The following FBXO31 variants were observed in gnomAD, a reference collection of about 807,000 sequenced individuals.
The protein encoded by FBXO31 is F-box only protein 31.
In FBXO31, 24 loss-of-function variants were observed where a neutral mutation model predicts 54.4. The observed-to-expected ratio is 0.44, with a 90% CI of 0.32 to 0.62. The LOEUF is 0.62. Among genes scored for constraint, FBXO31 ranks in the 20% least tolerant of loss-of-function variants. FBXO31 has a pLI of 0.05. For synonymous variants in FBXO31, 388 were observed against 335.6 expected (o/e 1.16, Z -1.71); for missense variants, 665 against 787.1 (o/e 0.84, Z 1.86).
intron 2 of FBXO31, among the ~76,000 whole-genome samples, chr16:87,354,797 G>A (rs1281100691): frequency 2.0e-5 from 3 of 151,796 alleles, no homozygotes; most frequent in Non-Finnish European, 4.4e-5. Flanking sequence ...GCAAAACCCC[G>A]TCTCTACTAA....
chr16:87,336,352 T>G lies in FBXO31; in HGVS notation c.733-88A>C. 8.4e-7 allele frequency: 1 copy of G among 1,187,012 alleles called. No individual in the cohort carries two copies. The highest frequency in any genetic ancestry group is 1.2e-5 in the South Asian group (1 of 80,128). The allele number at this position is 1,187,012 out of a possible 1,614,324, so 73.5% of individuals were successfully genotyped here. ...TGTGCCGCTGAGAGGACACAGTGTG[T>G]CCTTCTTTGTCAGTGCACAGGCACC... is the stretch of plus-strand genomic sequence containing the variant. On this transcript the variant is annotated intron_variant, in intron 5 of 8. Coordinates refer to ENST00000311635, the MANE Select transcript of FBXO31 (RefSeq NM_024735.5). This position sits in a 1 kb window ranked among gnomAD's most constrained non-coding sequence, Gnocchi z 6.5.
intron 2 of FBXO31, among the ~76,000 whole-genome samples, chr16:87,347,986 G>C (rs1049439028): frequency 9.8e-5 from 15 of 152,302 alleles, no homozygotes; most frequent in African/African-American, 3.6e-4. Context: ...CCCGTTCCTT[G>C]CCAGCCAATG....
intron 1 of FBXO31, among the ~76,000 whole-genome samples, chr16:87,364,234 C>T (rs765436070): frequency 2.6e-5 from 4 of 152,244 alleles, no homozygotes; most frequent in South Asian, 2.1e-4. Flanking sequence ...TCCCACAAGA[C>T]GCCTCACCGC....
At chr16:87,337,476 A>C (rs1905071616) in intron 5 of FBXO31, among the ~76,000 whole-genome samples, 1 of 152,258 alleles carries the variant, frequency 6.6e-6, no homozygotes, top group African/African-American at 2.4e-5. Flanking sequence ...TGGGACAGAC[A>C]GGCCATCAGG....
intron 1 of FBXO31, among the ~76,000 whole-genome samples, chr16:87,370,335 C>T (rs8043933): frequency 0.025 from 3,811 of 152,322 alleles, 159 homozygotes; most frequent in African/African-American, 0.088. Context: ...CTGTGCACGG[C>T]ACTGGCACTA....
At chr16:87,390,583 G>T (rs1365979340), upstream of FBXO31, among the ~76,000 whole-genome samples, 2 of 151,492 alleles carry the variant, frequency 1.3e-5, no homozygotes, top group Non-Finnish European at 2.9e-5. Flanking sequence ...TGGGATTACA[G>T]GCGCCTGCCA....
chr16:87,360,815 G>A (rs1477389458), intron 1 of FBXO31, among the ~76,000 whole-genome samples: 4 of 152,266 alleles, frequency 2.6e-5, no homozygotes, highest in African/African-American at 9.6e-5. Flanking sequence ...GTTCAACTCA[G>A]CCCAAGGCCA....
At chr16:87,382,235 T>G (rs143721645) in intron 1 of FBXO31, among the ~76,000 whole-genome samples, 1 of 152,240 alleles carries the variant, frequency 6.6e-6, no homozygotes, top group Non-Finnish European at 1.5e-5. Context: ...TTGTTTACAC[T>G]ACACTGTCTC....
In FBXO31 at chr16:87,383,498, G is replaced by T; in HGVS notation, c.247C>A (p.Pro83Thr). ...ELLVEIFASL[P>T]GTDLPSLAQV... ...GCCAAGCTGGGTAGGTCCGTGCCCG[G>T]CAGCGACGCGAAGATCTCCACCAGC... The change falls in exon 1 of 9, where the codon CCG becomes ACG. Residue 83 changes from proline (P) to threonine (T), a missense_variant. Pro to Thr is a conservative substitution (Grantham distance 38). Transcript: ENST00000311635. The surrounding 1 kb of genome is among the most constrained non-coding windows in gnomAD (Gnocchi z 4.9). The T allele has an allele frequency of 1.3e-6, 2 of 1,587,200 alleles. No homozygotes were observed. The highest frequency in any genetic ancestry group is 1.1e-5 in the South Asian group (1 of 87,482).
At chr16:87,380,357 C>T (rs1907023719) in intron 1 of FBXO31, among the ~76,000 whole-genome samples, 2 of 151,304 alleles carry the variant, frequency 1.3e-5, no homozygotes, top group South Asian at 4.2e-4. Context: ...GATTTAAGTC[C>T]TTTATTGGGG....
intron 4 of FBXO31, 93 bp downstream of exon 4, chr16:87,343,505 G>T: frequency 1.4e-6 from 2 of 1,453,718 alleles, no homozygotes; most frequent in Non-Finnish European, 1.9e-6. Context: ...CTACAGCCCA[G>T]GTCTGCAGCT....
chr16:87,384,150 GC>G (rs1442498579), upstream of FBXO31: 1 of 153,634 alleles, frequency 6.5e-6, no homozygotes, highest in Non-Finnish European at 1.4e-5. Context: ...CGCCCCTCGC[GC>G]CCGTGCGTCC....
intron 2 of FBXO31, among the ~76,000 whole-genome samples, chr16:87,354,123 A>T (rs967886209): frequency 2.6e-5 from 4 of 152,264 alleles, no homozygotes; most frequent in Admixed American, 2.6e-4. Flanking sequence ...AGAAGATATC[A>T]TTGTTAATAT....
intron 1 of FBXO31, among the ~76,000 whole-genome samples, chr16:87,361,646 A>G (rs764814861): frequency 7.9e-5 from 12 of 152,296 alleles, no homozygotes; most frequent in Non-Finnish European, 1.3e-4. Context: ...CCCTCATCAC[A>G]TGCCTTTTGA....
At chr16:87,364,279 G>T (rs2150688421) in intron 1 of FBXO31, among the ~76,000 whole-genome samples, 1 of 152,350 alleles carries the variant, frequency 6.6e-6, no homozygotes, top group South Asian at 2.1e-4. Context: ...CGTGTCACCA[G>T]GACACAGCAC....
chr16:87,373,295 C>T (rs1238579881), intron 1 of FBXO31, among the ~76,000 whole-genome samples: 1 of 151,624 alleles, frequency 6.6e-6, no homozygotes, highest in Non-Finnish European at 1.5e-5. Flanking sequence ...ACTAAAAATA[C>T]AAAAAAATTA....
At chr16:87,374,770 G>A (rs775472043) in intron 1 of FBXO31, among the ~76,000 whole-genome samples, 5 of 152,142 alleles carry the variant, frequency 3.3e-5, no homozygotes, top group Non-Finnish European at 7.3e-5. Context: ...GTACGCGCCT[G>A]AGTCATTCCT....
chr16:87,375,951 G>A (rs1597378568), intron 1 of FBXO31, among the ~76,000 whole-genome samples: 1 of 152,132 alleles, frequency 6.6e-6, no homozygotes, highest in African/African-American at 2.4e-5. Flanking sequence ...CACATGCAGG[G>A]GCCAGAGAGG....
At chr16:87,378,101 G>C (rs1010546206) in intron 1 of FBXO31, among the ~76,000 whole-genome samples, 8 of 151,706 alleles carry the variant, frequency 5.3e-5, no homozygotes, top group African/African-American at 1.9e-4. Flanking sequence ...AGAGGTTGCG[G>C]TGAGCCAAGA....
Sources: allele counts gnomAD v4.1 joint callset (sites outside exome capture counted in the v4.1 genomes callset), GRCh38; gene constraint gnomAD v4.1.1; non-coding constraint Gnocchi (gnomAD v3.1); transcripts MANE v1.5; gene names NCBI Gene and HGNC (gene_info 2026-07-23, HGNC 2026-07-21).